DLST: variants seen among roughly 807,000 people sequenced by gnomAD.
DLST encodes the protein dihydrolipoyllysine-residue succinyltransferase component of 2-oxoglutarate dehydrogenase complex, mitochondrial.
Under a neutral mutation model 53.1 loss-of-function variants are expected in DLST, and 17 were observed. That is an observed-to-expected ratio of 0.32 (90% confidence interval 0.22 to 0.48). The LOEUF is 0.48. Among genes scored for constraint, DLST ranks in the 20% least tolerant of loss-of-function variants. The pLI is 0.99. For missense variants in DLST, 512 were observed against 583.9 expected, an observed-to-expected ratio of 0.88 and a Z score of 1.27; for synonymous variants, 206 against 204.8, an observed-to-expected ratio of 1.01 and a Z score of -0.05.
Position 74,882,628 on chromosome 14 carries a change from A to G in DLST, c.97+4A>G. On this transcript the variant is annotated splice_donor_region_variant and intron_variant, in intron 2 of 14. Coordinates refer to ENST00000334220, the MANE Select transcript of DLST (RefSeq NM_001933.5). ...CTAGGGAGACGTTCCCTGCCTGGTA[A>G]GTTCTGCCCTTACCGTCACCTAAAA... 1.2e-6 allele frequency: 2 copies of G among 1,613,868 alleles called. No individual in the cohort carries two copies. The highest frequency in any genetic ancestry group is 1.1e-5 in the South Asian group (1 of 91,058).
chr14:74,896,015 C>A (rs1032395449), intron 10 of DLST, among the ~76,000 whole-genome samples: 1 of 152,318 alleles, frequency 6.6e-6, no homozygotes, highest in African/African-American at 2.4e-5. Flanking sequence ...TGCCACCAGG[C>A]TTGGCCAATT....
intron 11 of DLST, 137 bp downstream of exon 11, chr14:74,898,636 G>A (rs2140201678): frequency 8.8e-7 from 1 of 1,134,766 alleles, no homozygotes. Flanking sequence ...CTTCCCCAGG[G>A]ATTTCTTGGT....
At chr14:74,890,922 C>T (rs1883882332) in intron 6 of DLST, 134 bp from the exon 7 acceptor site, 1 of 1,238,980 alleles carries the variant, frequency 8.1e-7, no homozygotes, top group Non-Finnish European at 1.1e-6. Context: ...AAGTGATCCG[C>T]CTGCCTTGGC....
At chr14:74,890,383 G>T (rs1249282989) in intron 6 of DLST, among the ~76,000 whole-genome samples, 1 of 152,126 alleles carries the variant, frequency 6.6e-6, no homozygotes, top group East Asian at 1.9e-4. Context: ...CTCCCAAAGT[G>T]TTGGGATTAG....
At chr14:74,892,723 C>G (rs1883951053) in intron 7 of DLST, 111 bp from the exon 8 acceptor site, 1 of 1,054,798 alleles carries the variant, frequency 9.5e-7, no homozygotes, top group Non-Finnish European at 1.4e-6. Flanking sequence ...ATTGCTGATA[C>G]CCAGTAGACA....
At chr14:74,898,846 T>G (rs1884154641) in intron 11 of DLST, among the ~76,000 whole-genome samples, 1 of 152,140 alleles carries the variant, frequency 6.6e-6, no homozygotes, top group Admixed American at 6.5e-5. Context: ...CCCTGTTACC[T>G]TGGGGCCTGA....
Position 74,881,960 on chromosome 14 carries a change from T to A in DLST, c.7T>A (p.Ser3Thr), listed in dbSNP as rs745576936. Residue 3 changes from serine to threonine, a missense_variant, in exon 1 of 15, where the codon TCC becomes ACC. Physicochemically the swap from Ser to Thr is moderately conservative, Grantham distance 58 (BLOSUM62 1). Around this residue, in one of 4 missense-constraint regions of DLST, gnomAD observed 129 missense variants for 90.9 expected, o/e 1.42. Transcript: ENST00000334220. ...CCTCGGCTCCTCCGCCGTGATGCTG[T>A]CCCGATCCCGCTGTGTGTCTCGGGC... ML[S>T]RSRCVSRAFS... The A allele has an allele frequency of 6.4e-7, 1 of 1,564,866 alleles. No homozygotes were observed. The highest frequency in any genetic ancestry group is 1.2e-5 in the South Asian group (1 of 86,644).
At chr14:74,890,369 T>C (rs887664300) in intron 6 of DLST, among the ~76,000 whole-genome samples, 3 of 152,138 alleles carry the variant, frequency 2.0e-5, no homozygotes, top group African/African-American at 7.2e-5. Flanking sequence ...CTGCCCGCCT[T>C]GGCCTCCCAA....
intron 2 of DLST, 132 bp from the exon 3 acceptor site, chr14:74,885,454 G>A (rs1883669171): frequency 8.4e-6 from 8 of 951,138 alleles, no homozygotes; most frequent in Non-Finnish European, 1.2e-5. Flanking sequence ...AGGACTCTAT[G>A]ATAAAGATTA....
At chr14:74,902,156 G>C in intron 14 of DLST, 40 bp from the exon 15 acceptor site, 1 of 1,498,436 alleles carries the variant, frequency 6.7e-7, no homozygotes, top group Non-Finnish European at 9.0e-7. Context: ...GCTGGCTGTG[G>C]CTTGCTGGAG....
chr14:74,890,723 G>A (rs147910099), intron 6 of DLST, among the ~76,000 whole-genome samples: 2 of 152,156 alleles, frequency 1.3e-5, no homozygotes, highest in African/African-American at 4.8e-5. Context: ...CGCTGTTGTT[G>A]TTGTTGTTTT....
chr14:74,898,064 GGT>G (rs1258974316), intron 10 of DLST, among the ~76,000 whole-genome samples: 7 of 151,372 alleles, frequency 4.6e-5, no homozygotes, highest in Non-Finnish European at 1.0e-4. Context: ...CAAGGATGTT[GGT>G]GTGCTGTGTG....
intron 12 of DLST, 123 bp from the exon 13 acceptor site, chr14:74,900,166 G>A: frequency 8.9e-7 from 1 of 1,123,530 alleles, no homozygotes; most frequent in East Asian, 2.3e-5. Context: ...AACACTTTCT[G>A]TTAATCACAC....
At chr14:74,882,484 A>T in intron 1 of DLST, 107 bp from the exon 2 acceptor site, 3 of 1,117,968 alleles carry the variant, frequency 2.7e-6, no homozygotes, top group Non-Finnish European at 2.7e-6. Context: ...GAGTTACGAG[A>T]TTCACCTGTC....
chr14:74,901,326 C>A, intron 14 of DLST, 93 bp downstream of exon 14: 1 of 1,290,046 alleles, frequency 7.8e-7, no homozygotes, highest in Non-Finnish European at 1.1e-6. Flanking sequence ...ACTATAATTT[C>A]AGGCCTAAGT....
intron 7 of DLST, among the ~76,000 whole-genome samples, chr14:74,892,539 T>G (rs1883945863): frequency 6.6e-6 from 1 of 152,070 alleles, no homozygotes; most frequent in African/African-American, 2.4e-5. Context: ...GAAGTTTACA[T>G]TTTCTTGGGC....
intron 7 of DLST, chr14:74,891,571 A>T (rs1279449399): frequency 1.0e-6 from 1 of 992,816 alleles, no homozygotes. Context: ...ATTGTCTTTT[A>T]TGGGGAATTC....
chr14:74,898,287 A>T, intron 10 of DLST, 82 bp from the exon 11 acceptor site: 1 of 1,532,426 alleles, frequency 6.5e-7, no homozygotes. Flanking sequence ...GCTCTCACCT[A>T]ATTGTGTATA....
intron 8 of DLST, among the ~76,000 whole-genome samples, 159 bp downstream of exon 8, chr14:74,893,145 C>T (rs909037187): frequency 2.0e-5 from 3 of 152,208 alleles, no homozygotes; most frequent in Non-Finnish European, 4.4e-5. Context: ...CTTTGCATCT[C>T]AGCTTTCTGT....
Sources: gnomAD v4.1 joint callset for allele counts (sites outside exome capture counted in the v4.1 genomes callset) on GRCh38, gnomAD v4.1.1 for gene constraint, gnomAD v4.1.1 regional missense constraint, MANE v1.5 for transcripts, NCBI Gene and HGNC (gene_info 2026-07-23, HGNC 2026-07-21) for gene names.